The following SEL1L3 variants were observed in gnomAD, a reference collection of about 807,000 sequenced individuals.
The protein encoded by SEL1L3 is SEL1L family member 3.
In SEL1L3, 76 loss-of-function variants were observed where a neutral mutation model predicts 142.8. The ratio of observed to expected loss-of-function variants is 0.53; its 90% confidence interval spans 0.44 to 0.64. The LOEUF (loss-of-function observed/expected upper bound fraction) is 0.64. Ranked by LOEUF, SEL1L3 falls within the 30% of genes least tolerant of loss-of-function variation. SEL1L3 has a pLI of 0.00. For synonymous variants in SEL1L3, 504 were observed against 519.6 expected, an observed-to-expected ratio of 0.97 and a Z score of 0.41; for missense variants, 1,262 against 1,381.7, an observed-to-expected ratio of 0.91 and a Z score of 1.37.
chr4:25,810,452 C>T (rs190995826), intron 9 of SEL1L3, among the ~76,000 whole-genome samples: 39 of 152,232 alleles, frequency 2.6e-4, no homozygotes, highest in Admixed American at 2.5e-3. Flanking sequence ...TGAATTCAAA[C>T]GGCTCAGTTT....
intron 14 of SEL1L3, among the ~76,000 whole-genome samples, chr4:25,782,923 T>C (rs1711532531): frequency 6.6e-6 from 1 of 152,148 alleles, no homozygotes; most frequent in Non-Finnish European, 1.5e-5. Flanking sequence ...TCTCTTTGCA[T>C]GGTTCTGACA....
chr4:25,724,775 A>G, the SEL1L3 span, among the ~76,000 whole-genome samples: 7 of 145,324 alleles, frequency 4.8e-5, no homozygotes, highest in East Asian at 1.2e-3. Flanking sequence ...AAAAAAAGGA[A>G]AAGAAATTAA....
At chr4:25,857,517 T>C (rs147538577) in intron 1 of SEL1L3, among the ~76,000 whole-genome samples, 1,592 of 152,320 alleles carry the variant, frequency 0.01, 11 homozygotes, top group Non-Finnish European at 0.016. Flanking sequence ...ACCTCTCACA[T>C]GGGACCTCAT....
chr4:25,733,101 G>C, the SEL1L3 span, among the ~76,000 whole-genome samples: 1 of 151,576 alleles, frequency 6.6e-6, no homozygotes, highest in African/African-American at 2.4e-5. Context: ...GCTATTCTAG[G>C]TCCCTTGTAT....
intron 11 of SEL1L3, among the ~76,000 whole-genome samples, chr4:25,798,895 A>G (rs1241799650): frequency 6.6e-6 from 1 of 152,160 alleles, no homozygotes; most frequent in East Asian, 1.9e-4. Context: ...GGGCTGCCAT[A>G]ACAAAGATCC....
At chr4:25,737,521 C>A in the SEL1L3 span, among the ~76,000 whole-genome samples, 1 of 152,160 alleles carries the variant, frequency 6.6e-6, no homozygotes, top group Admixed American at 6.5e-5. Context: ...GCTCGAACCT[C>A]ATGAACTCAT....
chr4:25,776,194 A>G lies in SEL1L3; in HGVS notation c.2669+83T>C, dbSNP rs531574447. The stretch of plus-strand genomic sequence containing the variant: ...TGATTTCCCTGCAAATTGCTTTCTC[A>G]GTTGCATTTTAAGACTCCATTTCAT... On this transcript the variant is annotated intron_variant, in intron 17 of 23. Transcript: ENST00000399878. 1.5e-5 allele frequency: 12 copies of G among 808,554 alleles called. No homozygotes were observed. The South Asian group carries it at 1.7e-4, about 12-fold the overall frequency. 50.1% of individuals were successfully genotyped at this position (808,554 alleles called of 1,614,324 possible).
At chr4:25,806,099 C>T (rs1234694855) in intron 9 of SEL1L3, among the ~76,000 whole-genome samples, 3 of 143,170 alleles carry the variant, frequency 2.1e-5, no homozygotes, top group East Asian at 2.1e-4. Context: ...AGTGCAGTGG[C>T]GCGATCTCGG....
chr4:25,787,421 A>G (rs1711927533), intron 13 of SEL1L3, among the ~76,000 whole-genome samples: 2 of 152,154 alleles, frequency 1.3e-5, no homozygotes, highest in South Asian at 4.1e-4. Flanking sequence ...CCCAGGTTCA[A>G]GCAGTTTTCC....
At chr4:25,774,853 T>C (rs1222103882) in intron 17 of SEL1L3, among the ~76,000 whole-genome samples, 3 of 152,000 alleles carry the variant, frequency 2.0e-5, no homozygotes, top group Non-Finnish European at 4.4e-5. Flanking sequence ...TCAAAAAAGC[T>C]TCAAAACAAC....
the SEL1L3 span, among the ~76,000 whole-genome samples, chr4:25,722,623 G>GTTTTTTTTTTTTTTT: frequency 5.6e-5 from 7 of 125,116 alleles, no homozygotes; most frequent in African/African-American, 2.8e-4. Context: ...TCCAAAGGAG[G>GTTTTTTTTTTTTTTT]CTTTTTTTTT....
intron 1 of SEL1L3, among the ~76,000 whole-genome samples, chr4:25,852,430 A>C (rs997239812): frequency 2.0e-5 from 3 of 152,222 alleles, no homozygotes; most frequent in Non-Finnish European, 4.4e-5. Flanking sequence ...GCATTTGTCC[A>C]TAAGTGCTGG....
At chr4:25,852,021 G>A (rs538553653) in intron 1 of SEL1L3, among the ~76,000 whole-genome samples, 1 of 151,892 alleles carries the variant, frequency 6.6e-6, no homozygotes, top group Non-Finnish European at 1.5e-5. Context: ...AAAGAAGGGG[G>A]TACAATGCAA....
intron 7 of SEL1L3, among the ~76,000 whole-genome samples, chr4:25,820,501 C>T (rs959462485): frequency 3.9e-5 from 6 of 152,212 alleles, no homozygotes; most frequent in African/African-American, 7.2e-5. Context: ...TTTAAGATCC[C>T]GAAAGGGAGC....
At chr4:25,761,399 G>A (rs1043404679) in intron 20 of SEL1L3, among the ~76,000 whole-genome samples, 1 of 152,176 alleles carries the variant, frequency 6.6e-6, no homozygotes, top group South Asian at 2.1e-4. Context: ...CAGTTAATCC[G>A]CCCACCTTGG....
At chr4:25,783,204 C>T (rs10019801) in intron 14 of SEL1L3, among the ~76,000 whole-genome samples, 32,803 of 152,178 alleles carry the variant, frequency 0.22, 3,749 homozygotes, top group African/African-American at 0.28. Flanking sequence ...ATTTCCATGA[C>T]TACCATTAAG....
At chr4:25,733,501 AT>A in the SEL1L3 span, among the ~76,000 whole-genome samples, 150 of 120,346 alleles carry the variant, frequency 1.2e-3, no homozygotes, top group African/African-American at 2.9e-3. Flanking sequence ...TTGTTATAGT[AT>A]TTTTTTTTTA....
At chr4:25,856,290 G>A (rs1014942193) in intron 1 of SEL1L3, among the ~76,000 whole-genome samples, 5 of 152,156 alleles carry the variant, frequency 3.3e-5, no homozygotes, top group Admixed American at 3.3e-4. Flanking sequence ...CCAGCTTTGT[G>A]GAGATAATGC....
At chr4:25,809,719 T>G (rs989649196) in intron 9 of SEL1L3, among the ~76,000 whole-genome samples, 4 of 152,228 alleles carry the variant, frequency 2.6e-5, no homozygotes, top group African/African-American at 9.6e-5. Flanking sequence ...CATTGTTTGT[T>G]TTCTTGGTGT....
Sources: allele counts gnomAD v4.1 joint callset (sites outside exome capture counted in the v4.1 genomes callset), GRCh38; gene constraint gnomAD v4.1.1; transcripts MANE v1.5; gene names NCBI Gene and HGNC (gene_info 2026-07-23, HGNC 2026-07-21).